ANKRD27: variants seen among roughly 807,000 people sequenced by gnomAD.
The protein encoded by ANKRD27 is ankyrin repeat domain 27.
ANKRD27 carries 112 observed loss-of-function variants against 129.7 expected under a neutral mutation model. The ratio of observed to expected loss-of-function variants is 0.86; its 90% CI spans 0.74 to 1.01. The LOEUF (loss-of-function observed/expected upper bound fraction) is 1.01, where lower values mean the gene tolerates loss of function less well. ANKRD27 is among the 50% of genes least tolerant of loss of function. The pLI is 0.00. For synonymous variants in ANKRD27, 516 were observed against 511.2 expected, an observed-to-expected ratio of 1.01 and a Z score of -0.13; for missense variants, 1,258 against 1,300.5, an observed-to-expected ratio of 0.97 and a Z score of 0.50.
chr19:32,658,944 C>T lies in ANKRD27; in HGVS notation c.72G>A (p.Leu24=). ...CATGGATTTGGGCCACTTTGCTGCA[C>T]AAGTCAGGGCGGCACTTTTGCAGAG... is the stretch of plus-strand genomic sequence containing the variant. The part of the protein sequence containing the change: ...YLALQKCRPD[L]CSKVAQIHGI... The change falls in exon 2 of 29, where the codon TTG becomes TTA. Residue 24 remains leucine, a synonymous_variant. Transcript: ENST00000306065. 2 of 1,614,062 alleles carry T rather than the reference C, an allele frequency of 1.2e-6. No homozygotes were observed. Among genetic ancestry groups the T allele is most frequent in the Non-Finnish European group, 1.7e-6 (2 of 1,180,016 alleles).
chr19:32,603,730 G>C (rs750209881), intron 25 of ANKRD27, among the ~76,000 whole-genome samples: 4 of 151,984 alleles, frequency 2.6e-5, no homozygotes, highest in Non-Finnish European at 5.9e-5. Context: ...GTAGAGAGGG[G>C]GTCTCACTAT....
At chr19:32,617,777 G>A (rs1293373468) in intron 20 of ANKRD27, 144 bp from the exon 21 acceptor site, 3 of 442,782 alleles carry the variant, frequency 6.8e-6, no homozygotes, top group East Asian at 7.9e-5. Context: ...TTTTTGAGAT[G>A]GAGTTTCGCT....
chr19:32,602,165 T>C, intron 25 of ANKRD27, 39 bp from the exon 26 acceptor site: 2 of 1,293,822 alleles, frequency 1.5e-6, no homozygotes, highest in South Asian at 2.4e-5. Context: ...AATGTTTTTA[T>C]TCTTTTTTAA....
intron 22 of ANKRD27, chr19:32,608,217 C>G (rs558977397): frequency 3.9e-6 from 1 of 256,422 alleles, no homozygotes; most frequent in East Asian, 1.4e-4. Context: ...CACCAGCTGG[C>G]CCAGGCTGGT....
chr19:32,673,213 G>A, intron 1 of ANKRD27: 1 of 878,308 alleles, frequency 1.1e-6, no homozygotes, highest in Non-Finnish European at 1.4e-6. Flanking sequence ...AGGTCACCAG[G>A]CAAGACTGGG....
intron 1 of ANKRD27, chr19:32,673,379 C>T (rs1037865403): frequency 9.1e-6 from 9 of 985,278 alleles, no homozygotes; most frequent in Non-Finnish European, 1.1e-5. Context: ...CCCTGGATTT[C>T]ACTCACGCCT....
At chr19:32,658,835 C>T (rs1460161863) in intron 2 of ANKRD27, 79 bp downstream of exon 2, 1 of 1,204,998 alleles carries the variant, frequency 8.3e-7, no homozygotes, top group Non-Finnish European at 1.2e-6. Flanking sequence ...TAACAAACTC[C>T]CTCCAAACTG....
intron 17 of ANKRD27, among the ~76,000 whole-genome samples, chr19:32,623,029 A>C (rs951687227): frequency 2.7e-5 from 4 of 150,766 alleles, no homozygotes; most frequent in Non-Finnish European, 4.4e-5. Context: ...TGGGCTCAAA[A>C]AATCCTCCCA....
Position 32,622,639 on chromosome 19 carries a change from T to G in ANKRD27, c.1630-20A>C. 4.3e-6 allele frequency: 7 copies of G among 1,612,300 alleles called. No homozygotes were observed. The highest frequency in any genetic ancestry group is 5.9e-6 in the Non-Finnish European group (7 of 1,179,708). ...CACACACTGCAAAGAGATGGGGAAATGGCATCGCTCATGGATGTACCAAGC... is the reference window on the plus strand; with the variant it reads ...CACACACTGCAAAGAGATGGGGAAAGGGCATCGCTCATGGATGTACCAAGC... On this transcript the variant is annotated intron_variant, in intron 17 of 28. Transcript: ENST00000306065.
chr19:32,674,763 C>T (rs901480702), intron 1 of ANKRD27, among the ~76,000 whole-genome samples: 2 of 151,822 alleles, frequency 1.3e-5, no homozygotes, highest in Non-Finnish European at 2.9e-5. Flanking sequence ...CCGGACCCGG[C>T]ACCCCGGCCA....
At chr19:32,617,671 C>A in intron 20 of ANKRD27, 38 bp from the exon 21 acceptor site, 2 of 699,716 alleles carry the variant, frequency 2.9e-6, no homozygotes, top group Non-Finnish European at 2.6e-6. Flanking sequence ...AAAATGATTT[C>A]AACAATAAAA....
chr19:32,607,589 C>T, intron 23 of ANKRD27, 46 bp downstream of exon 23: 1 of 1,586,568 alleles, frequency 6.3e-7, no homozygotes, highest in Non-Finnish European at 8.6e-7. Context: ...AGGTCCTAGC[C>T]CAAAGCAGAC....
At position 32,615,725 on chromosome 19, in the gene ANKRD27, A is replaced by G; in HGVS notation, c.2108T>C (p.Val703Ala). ...EEDLEDAEDT[V>A]SAADPEFCHP... ...ACAGAATTCGGGGTCCGCTGCACTG[A>G]CAGTGTCCTCCGCATCCTCCAGGTC... The change falls in exon 22 of 29, where the codon GTC becomes GCC. Residue 703 changes from valine to alanine, a missense_variant. By Grantham distance (64) the Val-to-Ala change is moderately conservative. Transcript: ENST00000306065. 1 of 1,614,206 alleles carries G rather than the reference A, an allele frequency of 6.2e-7. No individual in the cohort carries two copies. Among genetic ancestry groups the G allele is most frequent in the Non-Finnish European group, 8.5e-7 (1 of 1,180,034 alleles).
rs151248125 is a variant in ANKRD27 at position 32,616,175 on chromosome 19, G to C, written c.2053-395C>G. ...GATCACACCATAGCACTCCAGCCTG[G>C]GCAACAGAGCAAAACTCTCAAAAAA... On this transcript the variant is annotated intron_variant, in intron 21 of 28. Coordinates refer to ENST00000306065, the MANE Select transcript of ANKRD27 (RefSeq NM_032139.3). 3.6e-3 allele frequency among the ~76,000 whole-genome samples: 543 copies of C among 152,102 alleles called. 4 individuals are homozygous for C. The highest frequency in any genetic ancestry group is 0.023 in the South Asian group (111 of 4,808).
In ANKRD27 at chr19:32,604,371, C is replaced by CTCGTGCAGCGCTGTGTTGCCCTTATT. The variant is rs764032601; in HGVS notation, c.2521_2546dup (p.Ala850IlefsTer11). ...CGAAGACGTGCTTTTCAATCACAGCCTCGTGCAGCGCTGTGTTGCCCTTAT... is the reference window on the plus strand; with the variant it reads ...CGAAGACGTGCTTTTCAATCACAGCCTCGTGCAGCGCTGTGTTGCCCTTATTTCGTGCAGCGCTGTGTTGCCCTTAT... On this transcript the variant is annotated frameshift_variant, in exon 25 of 29. Transcript: ENST00000306065. LOFTEE classifies it high-confidence loss of function. The CTCGTGCAGCGCTGTGTTGCCCTTATT allele has an allele frequency of 1.3e-4, 203 of 1,613,894 alleles. No individual in the cohort carries two copies. Among genetic ancestry groups the CTCGTGCAGCGCTGTGTTGCCCTTATT allele is most frequent in the Non-Finnish European group, 1.6e-4 (194 of 1,179,936 alleles).
At chr19:32,632,733 G>A (rs1176129127) in intron 12 of ANKRD27, among the ~76,000 whole-genome samples, 1 of 152,162 alleles carries the variant, frequency 6.6e-6, no homozygotes, top group African/African-American at 2.4e-5. Context: ...GGGTCTTGGT[G>A]GGAAGTCAAG....
chr19:32,674,329 G>C (rs532202315), intron 1 of ANKRD27, among the ~76,000 whole-genome samples: 1 of 152,222 alleles, frequency 6.6e-6, no homozygotes, highest in African/African-American at 2.4e-5. Flanking sequence ...ACTGCCAGCA[G>C]CCCTCGTTCC....
At chr19:32,663,824 A>T (rs1259972391) in intron 1 of ANKRD27, among the ~76,000 whole-genome samples, 2 of 152,108 alleles carry the variant, frequency 1.3e-5, no homozygotes, top group African/African-American at 4.8e-5. Flanking sequence ...TGGGAGGCCG[A>T]GGCGGGCGGA....
At chr19:32,662,638 A>G (rs1240598230) in intron 1 of ANKRD27, among the ~76,000 whole-genome samples, 1 of 152,172 alleles carries the variant, frequency 6.6e-6, no homozygotes, top group Non-Finnish European at 1.5e-5. Context: ...ACTACTCGGG[A>G]GGCTGACATG....
Sources: gnomAD v4.1 joint callset for allele counts (sites outside exome capture counted in the v4.1 genomes callset) on GRCh38, gnomAD v4.1.1 for gene constraint, MANE v1.5 for transcripts, NCBI Gene and HGNC (gene_info 2026-07-23, HGNC 2026-07-21) for gene names.